The following WASF1 variants were observed in gnomAD, a reference collection of about 807,000 sequenced individuals.
WASF1 encodes the protein actin-binding protein WASF1.
Under a neutral mutation model 50.5 loss-of-function variants are expected in WASF1, and 7 were observed. The ratio of observed to expected loss-of-function variants is 0.14; its 90% CI spans 0.08 to 0.26. The LOEUF (loss-of-function observed/expected upper bound fraction) is 0.26, where lower values mean the gene tolerates loss of function less well. WASF1 is among the 10% of genes least tolerant of loss of function. The pLI is 1.00. For synonymous variants in WASF1, 205 were observed against 244.0 expected, an observed-to-expected ratio of 0.84 and a Z score of 1.49; for missense variants, 470 against 694.7, an observed-to-expected ratio of 0.68 and a Z score of 3.64.
At chr6:110,160,817 A>G (rs1201122983) in intron 2 of WASF1, 85 bp from the exon 3 acceptor site, 3 of 151,678 alleles carry the variant, frequency 2.0e-5, no homozygotes, top group Non-Finnish European at 4.4e-5. Flanking sequence ...TTTTCTTTGA[A>G]TAATTAGAAC....
chr6:110,122,191 TAAGA>T (rs56299527), intron 4 of WASF1, among the ~76,000 whole-genome samples: 10,817 of 126,850 alleles, frequency 0.085, 540 homozygotes, highest in African/African-American at 0.18. Flanking sequence ...TCATAATAAA[TAAGA>T]AAGAAAGTAA....
At chr6:110,158,931 T>C (rs1049869724) in intron 3 of WASF1, among the ~76,000 whole-genome samples, 1 of 151,880 alleles carries the variant, frequency 6.6e-6, no homozygotes, top group Admixed American at 6.6e-5. Context: ...TTCAGAGTTC[T>C]ATTTTTCTAT....
chr6:110,123,286 T>C (rs1444264832), intron 4 of WASF1, among the ~76,000 whole-genome samples: 2 of 152,028 alleles, frequency 1.3e-5, no homozygotes, highest in Non-Finnish European at 2.9e-5. Flanking sequence ...GCCCAAGATA[T>C]AGATTCAGAA....
At chr6:110,132,326 ATTTC>A (rs1213971180) in intron 3 of WASF1, among the ~76,000 whole-genome samples, 1 of 151,668 alleles carries the variant, frequency 6.6e-6, no homozygotes, top group African/African-American at 2.4e-5. Flanking sequence ...TATATATTTT[ATTTC>A]TTTTTCTTGC....
At chr6:110,162,666 G>A (rs1404662259) in intron 2 of WASF1, among the ~76,000 whole-genome samples, 1 of 151,342 alleles carries the variant, frequency 6.6e-6, no homozygotes, top group African/African-American at 2.4e-5. Context: ...AAGCCTGCAT[G>A]ATCTTATCAA....
intron 1 of WASF1, among the ~76,000 whole-genome samples, chr6:110,179,082 C>A (rs958659844): frequency 1.3e-5 from 2 of 152,236 alleles, no homozygotes; most frequent in African/African-American, 4.8e-5. Context: ...CCGCCTCCCC[C>A]GGAAAGAGGC....
chr6:110,179,054 C>G (rs1404444614), intron 1 of WASF1, among the ~76,000 whole-genome samples: 1 of 152,270 alleles, frequency 6.6e-6, no homozygotes, highest in Non-Finnish European at 1.5e-5. Context: ...GCAGGGGATT[C>G]TCTGTCGCCC....
chr6:110,126,668 C>T (rs1774432387), intron 4 of WASF1, among the ~76,000 whole-genome samples: 1 of 152,154 alleles, frequency 6.6e-6, no homozygotes, highest in Admixed American at 6.5e-5. Flanking sequence ...CCTTGTTTCA[C>T]CTTTAAAATG....
Position 110,105,399 on chromosome 6 carries a change from A to AT in WASF1, c.713+7_713+8insA. 6.3e-7 allele frequency: 1 copy of AT among 1,586,580 alleles called. No homozygotes were observed. On this transcript the variant is annotated splice_region_variant and intron_variant, in intron 8 of 10. Coordinates refer to ENST00000392589, the MANE Select transcript of WASF1 (RefSeq NM_003931.3). Reference sequence around the variant, plus strand: ...ATCATTTAAAAAAAAAAACAAAAGTAAAGAAACCTTGTTTCAAAATGAGAG... The same window carrying AT: ...ATCATTTAAAAAAAAAAACAAAAGTATAAGAAACCTTGTTTCAAAATGAGAG...
At chr6:110,172,552 T>C (rs898005165) in intron 2 of WASF1, among the ~76,000 whole-genome samples, 1 of 152,086 alleles carries the variant, frequency 6.6e-6, no homozygotes, top group African/African-American at 2.4e-5. Flanking sequence ...TGTCCATCAA[T>C]GGATAATTAA....
At chr6:110,168,502 A>G (rs1776567129) in intron 2 of WASF1, among the ~76,000 whole-genome samples, 1 of 152,090 alleles carries the variant, frequency 6.6e-6, no homozygotes, top group Non-Finnish European at 1.5e-5. Flanking sequence ...TTTGCAAGCA[A>G]GAAGAATACA....
intron 5 of WASF1, among the ~76,000 whole-genome samples, chr6:110,113,080 T>C (rs921717178): frequency 1.3e-5 from 2 of 152,004 alleles, no homozygotes; most frequent in Admixed American, 6.6e-5. Context: ...ATGACTTCTT[T>C]ATGCAAAAAA....
chr6:110,149,710 T>G (rs1271541424), intron 3 of WASF1, among the ~76,000 whole-genome samples: 1 of 152,136 alleles, frequency 6.6e-6, no homozygotes, highest in African/African-American at 2.4e-5. Context: ...TACTGTATTT[T>G]TGTCAGTATA....
chr6:110,131,826 T>C (rs932531873), intron 3 of WASF1, among the ~76,000 whole-genome samples: 2 of 152,200 alleles, frequency 1.3e-5, no homozygotes, highest in African/African-American at 4.8e-5. Flanking sequence ...TGATACACAA[T>C]AGGGCAAGCT....
At chr6:110,173,921 C>T (rs1448882350) in intron 2 of WASF1, among the ~76,000 whole-genome samples, 2 of 152,130 alleles carry the variant, frequency 1.3e-5, no homozygotes, top group Admixed American at 1.3e-4. Flanking sequence ...CAGAAATGAA[C>T]AGAATTGTGA....
chr6:110,135,489 T>C (rs923200651), intron 3 of WASF1, among the ~76,000 whole-genome samples: 1 of 152,186 alleles, frequency 6.6e-6, no homozygotes, highest in Admixed American at 6.5e-5. Context: ...GTTAGTGTGG[T>C]GAATTATATT....
intron 2 of WASF1, among the ~76,000 whole-genome samples, chr6:110,170,254 C>T (rs1776649896): frequency 6.6e-6 from 1 of 152,004 alleles, no homozygotes. Flanking sequence ...ACAGAGGTTC[C>T]TTCCATCACT....
At position 110,108,713 on chromosome 6, in the gene WASF1, T is replaced by C. The variant is rs201133873; in HGVS notation, c.269-32A>G. The C allele has an allele frequency of 4.3e-5, 69 of 1,587,302 alleles. No homozygotes were observed. The Admixed American group carries it at 5.4e-4, about 12-fold the overall frequency. ...CAAAAATCAAGAATTCATTTTATTTTATTTTACTAAGATGATTTAACATAA... is the reference window on the plus strand; with the variant it reads ...CAAAAATCAAGAATTCATTTTATTTCATTTTACTAAGATGATTTAACATAA... On this transcript the variant is annotated intron_variant, in intron 5 of 10. Coordinates refer to ENST00000392589, the MANE Select transcript of WASF1 (RefSeq NM_003931.3).
At chr6:110,124,274 C>CTCTCTCTCTCTATA (rs1331534646) in intron 4 of WASF1, among the ~76,000 whole-genome samples, 3 of 20,502 alleles carry the variant, frequency 1.5e-4, no homozygotes, top group Non-Finnish European at 2.3e-4. Flanking sequence ...CTCTCTCTCT[C>CTCTCTCTCTCTATA]TATATATATA....
Sources: gnomAD v4.1 joint callset for allele counts (sites outside exome capture counted in the v4.1 genomes callset) on GRCh38, gnomAD v4.1.1 for gene constraint, MANE v1.5 for transcripts, NCBI Gene and HGNC (gene_info 2026-07-23, HGNC 2026-07-21) for gene names.